Variants in MACROD2 observed in about 807,000 individuals in gnomAD.
MACROD2 encodes ADP-ribose glycohydrolase MACROD2.
MACROD2 carries 36 observed loss-of-function variants against 70.4 expected under a neutral mutation model. The ratio of observed to expected loss-of-function variants is 0.51; its 90% CI spans 0.39 to 0.68. MACROD2 has a LOEUF of 0.68. Among genes scored for constraint, MACROD2 ranks in the 30% least tolerant of loss-of-function variants. MACROD2 has a pLI of 0.00. For synonymous variants in MACROD2, 172 were observed against 178.8 expected (o/e 0.96, Z 0.30); for missense variants, 496 against 538.4 (o/e 0.92, Z 0.78).
At chr20:14,364,863 T>C (rs1467696999) in intron 3 of MACROD2, among the ~76,000 whole-genome samples, 1 of 152,260 alleles carries the variant, frequency 6.6e-6, no homozygotes, top group Admixed American at 6.5e-5. Context: ...CATCTGCTGC[T>C]GGACACTTTG....
intron 5 of MACROD2, among the ~76,000 whole-genome samples, chr20:14,824,756 G>T (rs1489149190): frequency 6.6e-6 from 1 of 152,046 alleles, no homozygotes; most frequent in Non-Finnish European, 1.5e-5. Context: ...AATTGGGAGG[G>T]GCTACCCATG....
chr20:14,556,631 C>T (rs950439706), intron 4 of MACROD2, among the ~76,000 whole-genome samples: 4 of 151,978 alleles, frequency 2.6e-5, no homozygotes, highest in African/African-American at 9.7e-5. Flanking sequence ...CCCGTCATTC[C>T]CATACATTGA....
At chr20:15,255,441 C>A (rs7274642) in intron 6 of MACROD2, among the ~76,000 whole-genome samples, 1 of 151,770 alleles carries the variant, frequency 6.6e-6, no homozygotes, top group African/African-American at 2.4e-5. Flanking sequence ...ACCTATGGTA[C>A]AATTGGCAAT....
chr20:15,049,417 A>G (rs2075421475), intron 5 of MACROD2, among the ~76,000 whole-genome samples: 1 of 152,118 alleles, frequency 6.6e-6, no homozygotes. Context: ...CACTGTTTTC[A>G]ATAACAATTC....
chr20:15,059,587 G>C (rs1163419684), intron 5 of MACROD2, among the ~76,000 whole-genome samples: 4 of 152,110 alleles, frequency 2.6e-5, no homozygotes, highest in Non-Finnish European at 5.9e-5. Flanking sequence ...CTGTGCCAGA[G>C]AAAGGACTAG....
chr20:15,081,087 A>C (rs2075699707), intron 5 of MACROD2, among the ~76,000 whole-genome samples: 1 of 152,164 alleles, frequency 6.6e-6, no homozygotes, highest in South Asian at 2.1e-4. Context: ...TTAGAATGAG[A>C]ATTGGCAGAC....
At chr20:15,945,682 C>G (rs1308043614) in intron 12 of MACROD2, among the ~76,000 whole-genome samples, 1 of 152,134 alleles carries the variant, frequency 6.6e-6, no homozygotes, top group Non-Finnish European at 1.5e-5. Context: ...GTAAAGCAAT[C>G]TCTCATTATT....
intron 8 of MACROD2, among the ~76,000 whole-genome samples, chr20:15,545,890 G>A (rs537555062): frequency 6.6e-6 from 1 of 152,314 alleles, no homozygotes; most frequent in African/African-American, 2.4e-5. Flanking sequence ...TGAGGAGTGG[G>A]CAGAATTTGA....
intron 10 of MACROD2, among the ~76,000 whole-genome samples, chr20:15,920,901 C>T (rs2065394132): frequency 1.3e-5 from 2 of 152,160 alleles, no homozygotes; most frequent in South Asian, 2.1e-4. Flanking sequence ...CCTCATTCTT[C>T]GCACCTCCGT....
At chr20:15,110,980 C>G (rs974184914) in intron 5 of MACROD2, among the ~76,000 whole-genome samples, 1 of 152,092 alleles carries the variant, frequency 6.6e-6, no homozygotes, top group African/African-American at 2.4e-5. Flanking sequence ...TTATTTAATC[C>G]TCACAATTAT....
At chr20:15,666,720 G>T (rs1203282477) in intron 8 of MACROD2, among the ~76,000 whole-genome samples, 1 of 152,098 alleles carries the variant, frequency 6.6e-6, no homozygotes, top group African/African-American at 2.4e-5. Context: ...CTGTAAATTA[G>T]ATTTAGTGCT....
At chr20:14,276,048 C>A (rs766313316) in intron 3 of MACROD2, among the ~76,000 whole-genome samples, 2 of 151,230 alleles carry the variant, frequency 1.3e-5, no homozygotes, top group South Asian at 2.1e-4. Flanking sequence ...ACTAGTTCAA[C>A]CATTGTGGAA....
At chr20:14,903,905 T>C (rs1390205791) in intron 5 of MACROD2, among the ~76,000 whole-genome samples, 1 of 152,076 alleles carries the variant, frequency 6.6e-6, no homozygotes, top group East Asian at 1.9e-4. Flanking sequence ...GCATGAAAGG[T>C]TTTTTTATTT....
intron 6 of MACROD2, among the ~76,000 whole-genome samples, chr20:15,354,223 C>T (rs1600282727): frequency 6.6e-6 from 1 of 152,002 alleles, no homozygotes; most frequent in Middle Eastern, 3.4e-3. Flanking sequence ...AGCTGGAAAC[C>T]ATCATTCTCA....
chr20:14,231,453 C>T (rs1426729804), intron 3 of MACROD2, among the ~76,000 whole-genome samples: 2 of 152,028 alleles, frequency 1.3e-5, no homozygotes, highest in African/African-American at 4.8e-5. Flanking sequence ...TCCATGTCCC[C>T]ACAAAGGACA....
chr20:14,380,581 A>T (rs1316172079), intron 3 of MACROD2, among the ~76,000 whole-genome samples: 1 of 152,138 alleles, frequency 6.6e-6, no homozygotes, highest in Non-Finnish European at 1.5e-5. Context: ...TGGAGTTAAT[A>T]TTAGTATGAA....
intron 8 of MACROD2, among the ~76,000 whole-genome samples, chr20:15,718,697 G>A (rs145842128): frequency 9.2e-5 from 14 of 152,238 alleles, no homozygotes; most frequent in South Asian, 4.1e-4. Context: ...AGAAGTCCAC[G>A]GATATTTCAA....
At chr20:15,438,513 T>C (rs572903189) in intron 7 of MACROD2, among the ~76,000 whole-genome samples, 1 of 152,294 alleles carries the variant, frequency 6.6e-6, no homozygotes, top group African/African-American at 2.4e-5. Flanking sequence ...CTTTGCCCAC[T>C]TTATAATGGG....
At chr20:14,981,067 T>C (rs755357745) in intron 5 of MACROD2, among the ~76,000 whole-genome samples, 10 of 151,644 alleles carry the variant, frequency 6.6e-5, no homozygotes, top group Non-Finnish European at 1.5e-4. Flanking sequence ...TGTGTATGTG[T>C]GTGTGTGTGT....
Sources: gnomAD v4.1 joint callset for allele counts (sites outside exome capture counted in the v4.1 genomes callset) on GRCh38, gnomAD v4.1.1 for gene constraint, MANE v1.5 for transcripts, NCBI Gene and HGNC (gene_info 2026-07-23, HGNC 2026-07-21) for gene names.